EML6: variants seen among roughly 807,000 people sequenced by gnomAD.
EML6 encodes the protein echinoderm microtubule-associated protein-like 6.
In EML6, 154 loss-of-function variants were observed where a neutral mutation model predicts 240.1. That is an observed-to-expected ratio of 0.64 (90% confidence interval 0.56 to 0.73). The LOEUF is 0.73. Among genes scored for constraint, EML6 ranks in the 30% least tolerant of loss-of-function variants. The pLI is 0.00. For synonymous variants in EML6, 1,148 were observed against 899.0 expected, an observed-to-expected ratio of 1.28 and a Z score of -4.95; for missense variants, 2,964 against 2,474.6, an observed-to-expected ratio of 1.20 and a Z score of -4.20.
At chr2:54,738,397 G>C (rs13427397) in intron 2 of EML6, among the ~76,000 whole-genome samples, 5,070 of 152,188 alleles carry the variant, frequency 0.033, 271 homozygotes, top group African/African-American at 0.11. Context: ...AGAATAATAG[G>C]CTTGTTTGTT....
chr2:54,870,300 A>G (rs1452564822), intron 15 of EML6, among the ~76,000 whole-genome samples: 2 of 149,912 alleles, frequency 1.3e-5, no homozygotes, highest in African/African-American at 2.4e-5. Flanking sequence ...TATTTGGGGG[A>G]AAAAGGATCC....
At chr2:54,937,766 T>G (rs1424923826) in intron 28 of EML6, among the ~76,000 whole-genome samples, 1 of 152,098 alleles carries the variant, frequency 6.6e-6, no homozygotes, top group African/African-American at 2.4e-5. Context: ...ACAGCCATCT[T>G]CTAAAAAAAG....
At chr2:54,822,058 G>A (rs985143234) in intron 5 of EML6, among the ~76,000 whole-genome samples, 3 of 152,100 alleles carry the variant, frequency 2.0e-5, no homozygotes, top group African/African-American at 7.2e-5. Flanking sequence ...TAGATACTGG[G>A]TTGTTCTCAA....
At chr2:54,952,789 C>T in intron 31 of EML6, 97 bp downstream of exon 31, 1 of 766,784 alleles carries the variant, frequency 1.3e-6, no homozygotes, top group Non-Finnish European at 2.2e-6. Context: ...TGCTTACATC[C>T]ATCCCTTCTT....
chr2:54,880,120 C>T (rs1027029354), intron 17 of EML6: 1 of 153,984 alleles, frequency 6.5e-6, no homozygotes, highest in African/African-American at 2.4e-5. Flanking sequence ...CCCTAATCTT[C>T]CGTCTTATAA....
intron 11 of EML6, among the ~76,000 whole-genome samples, chr2:54,857,031 C>A (rs1392525935): frequency 6.6e-6 from 1 of 152,118 alleles, no homozygotes; most frequent in African/African-American, 2.4e-5. Flanking sequence ...AGAAAGTAAT[C>A]AAGGATGACT....
intron 33 of EML6, among the ~76,000 whole-genome samples, chr2:54,958,548 A>G (rs1351516662): frequency 1.3e-5 from 2 of 152,198 alleles, no homozygotes; most frequent in South Asian, 2.1e-4. Context: ...CACCCAGGAC[A>G]GGAGGTTTGT....
At chr2:54,961,932 A>T (rs1676536013) in intron 35 of EML6, among the ~76,000 whole-genome samples, 1 of 151,622 alleles carries the variant, frequency 6.6e-6, no homozygotes, top group Non-Finnish European at 1.5e-5. Flanking sequence ...TGAACCCAGG[A>T]GGCAGAGGTT....
At chr2:54,832,745 C>T (rs961564408) in intron 7 of EML6, among the ~76,000 whole-genome samples, 1 of 151,998 alleles carries the variant, frequency 6.6e-6, no homozygotes, top group Non-Finnish European at 1.5e-5. Flanking sequence ...CCTCCCCACC[C>T]CCCCGCCAAC....
chr2:54,821,709 T>A (rs1292307539), intron 5 of EML6, among the ~76,000 whole-genome samples: 2 of 152,122 alleles, frequency 1.3e-5, no homozygotes, highest in African/African-American at 4.8e-5. Context: ...AAATAGACCT[T>A]AATATGTATG....
At position 54,751,280 on chromosome 2, in the gene EML6, A is replaced by G. The variant is rs148196697; in HGVS notation, c.197+26022A>G. ...ATTACTGGTGTGGAGGACAGGGATC[A>G]CTTCCTTAGTGTAGTTCCTGAGAAA... On this transcript the variant is annotated intron_variant, in intron 2 of 41. Coordinates refer to ENST00000356458, the MANE Select transcript of EML6 (RefSeq NM_001039753.4). Among the ~76,000 whole-genome samples, 8 of 152,338 alleles carry G rather than the reference A, an allele frequency of 5.3e-5. No homozygotes were observed. The East Asian group carries it at 5.8e-4, about 11-fold the overall frequency.
At chr2:54,822,043 C>T (rs371423632) in intron 5 of EML6, among the ~76,000 whole-genome samples, 39 of 152,040 alleles carry the variant, frequency 2.6e-4, no homozygotes, top group African/African-American at 8.9e-4. Flanking sequence ...AAGCAACACA[C>T]AAAATAGATA....
chr2:54,898,874 T>C (rs1453604548), intron 21 of EML6, among the ~76,000 whole-genome samples: 3 of 152,238 alleles, frequency 2.0e-5, no homozygotes, highest in Non-Finnish European at 4.4e-5. Context: ...AGAATCAAAT[T>C]CATTTTCTCC....
intron 28 of EML6, among the ~76,000 whole-genome samples, chr2:54,931,029 C>T (rs1427223750): frequency 7.0e-6 from 1 of 143,508 alleles, no homozygotes; most frequent in African/African-American, 2.6e-5. Flanking sequence ...GCGATCTCGG[C>T]TCACTGCAAG....
intron 2 of EML6, among the ~76,000 whole-genome samples, chr2:54,793,041 G>C (rs1669542042): frequency 6.6e-6 from 1 of 152,204 alleles, no homozygotes; most frequent in Non-Finnish European, 1.5e-5. Flanking sequence ...GCTGAGGCAG[G>C]CAGATTGCAT....
rs1436206581 is a variant in EML6, at chr2:54,899,793, C to G, written c.3124+11C>G. 1.3e-6 allele frequency: 2 copies of G among 1,546,544 alleles called. No homozygotes were observed. The highest frequency in any genetic ancestry group is 1.7e-6 in the Non-Finnish European group (2 of 1,143,728). The stretch of plus-strand genomic sequence containing the variant: ...GGAAACTCAAAAAAGGTACATAACA[C>G]CACCTTACACATCTGTCAGAGTATT... On this transcript the variant is annotated intron_variant, in intron 22 of 41. Transcript: ENST00000356458.
chr2:54,797,292 A>C (rs1036023477), intron 2 of EML6, among the ~76,000 whole-genome samples: 2 of 151,778 alleles, frequency 1.3e-5, no homozygotes, highest in Non-Finnish European at 2.9e-5. Flanking sequence ...CCATACTTTG[A>C]GTAGCAAGGG....
intron 28 of EML6, among the ~76,000 whole-genome samples, chr2:54,936,957 G>T (rs1030916953): frequency 1.4e-5 from 2 of 143,498 alleles, no homozygotes; most frequent in African/African-American, 5.2e-5. Flanking sequence ...GGCTAAAACG[G>T]TCATGTCTCT....
intron 28 of EML6, among the ~76,000 whole-genome samples, chr2:54,937,404 C>T (rs899840746): frequency 2.0e-5 from 3 of 151,508 alleles, no homozygotes; most frequent in Non-Finnish European, 2.9e-5. Context: ...GACCTTGTCT[C>T]TACCAAAAAT....
Sources: allele counts gnomAD v4.1 joint callset (sites outside exome capture counted in the v4.1 genomes callset), GRCh38; gene constraint gnomAD v4.1.1; transcripts MANE v1.5; gene names NCBI Gene and HGNC (gene_info 2026-07-23, HGNC 2026-07-21).